Variants in TOPBP1 observed in about 807,000 individuals in gnomAD.
TOPBP1 encodes the protein DNA topoisomerase II binding protein 1.
TOPBP1 carries 28 observed loss-of-function variants against 167.7 expected under a neutral mutation model. The ratio of observed to expected loss-of-function variants is 0.17; its 90% CI spans 0.12 to 0.23. TOPBP1 has a LOEUF of 0.23. Among genes scored for constraint, TOPBP1 ranks in the 10% least tolerant of loss-of-function variants. The pLI, the probability that TOPBP1 is intolerant of heterozygous loss-of-function variation, is 1.00. For missense variants in TOPBP1, 1,554 were observed against 1,809.6 expected, an observed-to-expected ratio of 0.86 and a Z score of 2.56; for synonymous variants, 598 against 611.4, an observed-to-expected ratio of 0.98 and a Z score of 0.32.
intron 27 of TOPBP1, 60 bp downstream of exon 27, chr3:133,608,475 T>C (rs1559805513): frequency 6.4e-7 from 1 of 1,568,378 alleles, no homozygotes; most frequent in Non-Finnish European, 8.7e-7. Context: ...TGCAGTTACT[T>C]ATCTATGCAC....
At chr3:133,635,757 C>A (rs1370495088) in intron 14 of TOPBP1, among the ~76,000 whole-genome samples, 1 of 152,100 alleles carries the variant, frequency 6.6e-6, no homozygotes, top group African/African-American at 2.4e-5. Context: ...TGAAATATAA[C>A]CCAACAATTT....
At chr3:133,636,119 G>A (rs1328569177) in intron 14 of TOPBP1, among the ~76,000 whole-genome samples, 2 of 152,074 alleles carry the variant, frequency 1.3e-5, no homozygotes, top group Non-Finnish European at 2.9e-5. Flanking sequence ...AGGAAGCAGC[G>A]ATGGAGCCAC....
At chr3:133,603,969 ATAGAG>A (rs1266605622) in intron 27 of TOPBP1, among the ~76,000 whole-genome samples, 9 of 151,952 alleles carry the variant, frequency 5.9e-5, no homozygotes, top group Admixed American at 3.3e-4. Context: ...AATTAAAATT[ATAGAG>A]TATTTTCTGT....
intron 8 of TOPBP1, 134 bp from the exon 9 acceptor site, chr3:133,650,077 C>T: frequency 1.3e-6 from 1 of 763,620 alleles, no homozygotes; most frequent in Non-Finnish European, 1.9e-6. Context: ...TAAATACATT[C>T]TGAAACTTTT....
chr3:133,603,045 G>A (rs969316749), intron 27 of TOPBP1, among the ~76,000 whole-genome samples: 3 of 151,824 alleles, frequency 2.0e-5, no homozygotes, highest in Admixed American at 6.6e-5. Context: ...ACAGGTGTGC[G>A]CCACGACACC....
At chr3:133,601,658 T>C (rs978753482) in intron 27 of TOPBP1, among the ~76,000 whole-genome samples, 4 of 152,176 alleles carry the variant, frequency 2.6e-5, no homozygotes, top group Non-Finnish European at 5.9e-5. Context: ...TCGGTGTTTT[T>C]AATCCCCATT....
intron 14 of TOPBP1, among the ~76,000 whole-genome samples, chr3:133,633,279 C>T (rs1389981271): frequency 2.6e-5 from 4 of 152,188 alleles, no homozygotes; most frequent in East Asian, 1.9e-4. Context: ...GTTATGATGA[C>T]GCCATTGACC....
intron 14 of TOPBP1, among the ~76,000 whole-genome samples, chr3:133,636,854 G>C (rs1935695658): frequency 6.6e-6 from 1 of 152,136 alleles, no homozygotes; most frequent in Admixed American, 6.6e-5. Flanking sequence ...TTTCCTCTAT[G>C]TCTTAAGGGA....
At chr3:133,636,852 A>G (rs1273729655) in intron 14 of TOPBP1, among the ~76,000 whole-genome samples, 1 of 152,222 alleles carries the variant, frequency 6.6e-6, no homozygotes, top group African/African-American at 2.4e-5. Context: ...ATTTTCCTCT[A>G]TGTCTTAAGG....
intron 27 of TOPBP1, among the ~76,000 whole-genome samples, chr3:133,602,798 G>C (rs1264806522): frequency 6.6e-6 from 1 of 152,086 alleles, no homozygotes; most frequent in East Asian, 1.9e-4. Flanking sequence ...CAGTGGGCCA[G>C]GTTTGGCCAG....
In TOPBP1 at chr3:133,638,092, T is replaced by C; in HGVS notation, c.2304A>G (p.Thr768=). The change falls in exon 14 of 28, where the codon ACA becomes ACG. Residue 768 remains threonine (T), a synonymous_variant. Coordinates refer to ENST00000260810, the MANE Select transcript of TOPBP1 (RefSeq NM_007027.4). ...CGGTTTTTCTGTGAGTTTGCAGGCG[T>C]GTGCCAGGATGCTCTGCAGTATCTG... ...LNSDTAEHPG[T]RLQTHRKTVV... 1.2e-6 allele frequency: 2 copies of C among 1,614,040 alleles called. No individual in the cohort carries two copies. The highest frequency in any genetic ancestry group is 2.2e-5 in the East Asian group (1 of 44,896).
intron 12 of TOPBP1, among the ~76,000 whole-genome samples, chr3:133,642,968 C>A (rs1305897222): frequency 1.3e-5 from 2 of 151,986 alleles, no homozygotes; most frequent in East Asian, 3.9e-4. Flanking sequence ...TGTGTTTGGA[C>A]CCACTGCAGT....
At position 133,656,946 on chromosome 3, in the gene TOPBP1, TG is replaced by T. The variant is rs1157510153; in HGVS notation, c.364-90del. 4.2e-6 allele frequency: 5 copies of T among 1,203,748 alleles called. No individual in the cohort carries two copies. The African/African-American group carries it at 7.8e-5, about 19-fold the overall frequency. The allele number at this position is 1,203,748 out of a possible 1,614,324, so 74.6% of individuals were successfully genotyped here. A position where few individuals can be genotyped will look rare whatever the true frequency, so the allele number is the denominator to read the frequency against. On this transcript the variant is annotated intron_variant, in intron 4 of 27. Coordinates refer to ENST00000260810, the MANE Select transcript of TOPBP1 (RefSeq NM_007027.4). ...CTATCTCATAAATACATTTTGCTGT[TG>T]ACAGTTTGAATACATAAGTGTTACA...
chr3:133,640,196 A>C, intron 12 of TOPBP1, 26 bp from the exon 13 acceptor site: 1 of 1,585,442 alleles, frequency 6.3e-7, no homozygotes. Context: ...AAAGAAGTGG[A>C]AATGGTCACA....
rs751387961 is a variant in TOPBP1, at chr3:133,624,132, G to A, written c.2848C>T (p.Arg950Trp). 1.7e-4 allele frequency: 274 copies of A among 1,613,490 alleles called. No individual in the cohort carries two copies. The highest frequency in any genetic ancestry group is 2.0e-4 in the Non-Finnish European group (239 of 1,179,702). Reference protein sequence around the residue: ...ETVTHFIYQGRPNDTNREYKS... With the variant: ...ETVTHFIYQGWPNDTNREYKS... ...TACTCCCGATTAGTGTCATTTGGCC[G>A]CCCTTGATAGATGAAATGAGTCACT... Residue 950 changes from arginine to tryptophan, a missense_variant, in exon 17 of 28, where the codon CGG becomes TGG. Physicochemically the swap from Arg to Trp is moderately radical, Grantham distance 101. This residue lies in a region of TOPBP1 where 1,197 missense variants were observed against 1,351.5 expected (regional missense o/e 0.89). Transcript: ENST00000260810.
chr3:133,651,867 A>ATC (rs1439297796), intron 8 of TOPBP1, among the ~76,000 whole-genome samples: 3 of 152,194 alleles, frequency 2.0e-5, no homozygotes. Flanking sequence ...TTATATATAT[A>ATC]TTAACACACA....
chr3:133,621,495 C>T (rs1327935754), intron 19 of TOPBP1, among the ~76,000 whole-genome samples: 1 of 152,136 alleles, frequency 6.6e-6, no homozygotes, highest in Admixed American at 6.5e-5. Context: ...AAAACATTTA[C>T]AGTGCATTAG....
chr3:133,660,260 C>T, intron 2 of TOPBP1, among the ~76,000 whole-genome samples: 2 of 152,184 alleles, frequency 1.3e-5, no homozygotes, highest in Non-Finnish European at 2.9e-5. Flanking sequence ...TCTCTTCCCA[C>T]CCCAAGAAAC....
At position 133,649,534 on chromosome 3, in the gene TOPBP1, T is replaced by C. The variant is rs1315716369; in HGVS notation, c.1353A>G (p.Glu451=). The change falls in exon 10 of 28, where the codon GAA becomes GAG. Residue 451 remains glutamate, a synonymous_variant. Transcript: ENST00000260810. Reference sequence around the variant, plus strand: ...TTTCAGGCTTATGTGAAACTGGAATTTCCACTGGCTGGTAATTAGCATGGA... The same window carrying C: ...TTTCAGGCTTATGTGAAACTGGAATCTCCACTGGCTGGTAATTAGCATGGA... ...PYIHANYQPV[E]IPVSHKPESK... is the part of the protein sequence containing the mutation. 4.9e-5 allele frequency: 79 copies of C among 1,613,832 alleles called. No individual in the cohort carries two copies. Among genetic ancestry groups the C allele is most frequent in the Non-Finnish European group, 6.6e-5 (78 of 1,179,874 alleles).
Sources: gnomAD v4.1 joint callset for allele counts (sites outside exome capture counted in the v4.1 genomes callset) on GRCh38, gnomAD v4.1.1 for gene constraint, gnomAD v4.1.1 regional missense constraint, MANE v1.5 for transcripts, NCBI Gene and HGNC (gene_info 2026-07-23, HGNC 2026-07-21) for gene names.